The following SLC44A5 variants were observed in gnomAD, a reference collection of about 807,000 sequenced individuals.
SLC44A5 encodes the protein solute carrier family 44 member 5, also known as choline transporter-like protein 5.
In SLC44A5, 57 loss-of-function variants were observed where a neutral mutation model predicts 101.8. The ratio of observed to expected loss-of-function variants is 0.56; its 90% CI spans 0.45 to 0.70. The LOEUF (loss-of-function observed/expected upper bound fraction) is 0.70. SLC44A5 is among the 30% of genes least tolerant of loss of function. The pLI is 0.00. For missense variants in SLC44A5, 737 were observed against 853.1 expected (o/e 0.86, Z 1.70); for synonymous variants, 281 against 290.9 (o/e 0.97, Z 0.35).
intron 12 of SLC44A5, among the ~76,000 whole-genome samples, chr1:75,230,809 G>T (rs147508882): frequency 1.0e-3 from 159 of 152,218 alleles, no homozygotes; most frequent in African/African-American, 3.6e-3. Flanking sequence ...TAGAGACAGG[G>T]TTTCACCACG....
intron 4 of SLC44A5, among the ~76,000 whole-genome samples, chr1:75,333,367 C>T (rs1418584854): frequency 6.6e-6 from 1 of 152,010 alleles, no homozygotes; most frequent in Non-Finnish European, 1.5e-5. Context: ...ATTAGCGTGA[C>T]TCTTTTCCAC....
chr1:75,504,119 A>T (rs772224609), intron 2 of SLC44A5, among the ~76,000 whole-genome samples: 26 of 152,192 alleles, frequency 1.7e-4, no homozygotes, highest in Non-Finnish European at 2.1e-4. Flanking sequence ...TCGGCAAAGT[A>T]ACTCGATACA....
At chr1:75,629,188 T>C in the SLC44A5 span, among the ~76,000 whole-genome samples, 4 of 147,794 alleles carry the variant, frequency 2.7e-5, no homozygotes, top group African/African-American at 9.7e-5. Context: ...AACCTACATG[T>C]ACTTCCTATG....
chr1:75,630,820 G>A, the SLC44A5 span, among the ~76,000 whole-genome samples: 15 of 152,262 alleles, frequency 9.9e-5, no homozygotes, highest in Non-Finnish European at 2.1e-4. Context: ...AGAGGAATTG[G>A]CAACTGCCCA....
the SLC44A5 span, among the ~76,000 whole-genome samples, chr1:75,668,288 A>T: frequency 6.8e-6 from 1 of 146,274 alleles, no homozygotes; most frequent in South Asian, 2.1e-4. Flanking sequence ...AGGATTACTT[A>T]AAAAGAATGT....
At chr1:75,488,135 T>A (rs949358401) in intron 2 of SLC44A5, among the ~76,000 whole-genome samples, 14 of 152,194 alleles carry the variant, frequency 9.2e-5, no homozygotes, top group Non-Finnish European at 2.1e-4. Flanking sequence ...TCCCACTGAT[T>A]CTACATGATG....
intron 1 of SLC44A5, among the ~76,000 whole-genome samples, chr1:75,553,775 A>G (rs1187612189): frequency 6.6e-6 from 1 of 152,194 alleles, no homozygotes; most frequent in African/African-American, 2.4e-5. Context: ...TCCCCCAATT[A>G]TTCAACTCCC....
At chr1:75,589,074 C>A (rs1456910243) in intron 1 of SLC44A5, among the ~76,000 whole-genome samples, 1 of 152,186 alleles carries the variant, frequency 6.6e-6, no homozygotes, top group Admixed American at 6.5e-5. Context: ...TTTGGAGGAA[C>A]TGCATTCACG....
intron 2 of SLC44A5, among the ~76,000 whole-genome samples, chr1:75,499,820 G>A (rs1668859544): frequency 6.6e-6 from 1 of 152,150 alleles, no homozygotes; most frequent in South Asian, 2.1e-4. Context: ...GCAGAGAATA[G>A]CTGTCCGCCA....
chr1:75,568,558 T>C (rs1215925130), intron 1 of SLC44A5, among the ~76,000 whole-genome samples: 1 of 152,204 alleles, frequency 6.6e-6, no homozygotes, highest in African/African-American at 2.4e-5. Context: ...GAGAATGAAC[T>C]TGTCCTTTGA....
At chr1:75,401,373 C>A (rs750175646) in intron 2 of SLC44A5, among the ~76,000 whole-genome samples, 7 of 152,156 alleles carry the variant, frequency 4.6e-5, no homozygotes, top group Non-Finnish European at 1.5e-5. Context: ...AGATCTTAAG[C>A]AAATCAGCAT....
Position 75,330,966 on chromosome 1 carries a change from CTT to C in SLC44A5, c.101+8614_101+8615del, listed in dbSNP as rs71071941. Among the ~76,000 whole-genome samples, 877 of 135,992 alleles carry C rather than the reference CTT, an allele frequency of 6.4e-3. 2 individuals carry two copies. The highest frequency in any genetic ancestry group is 9.2e-3 in the Non-Finnish European group (582 of 63,372). 89.2% of individuals were successfully genotyped at this position (135,992 alleles called of 152,430 possible). ...AAACTCTTCTTGTAAAACTTTCTCT[CTT>C]TTTTTTTTTTTTTTTGGCTTCTACA... On this transcript the variant is annotated intron_variant, in intron 4 of 23. Coordinates refer to ENST00000370859, the MANE Select transcript of SLC44A5 (RefSeq NM_001130058.2).
intron 2 of SLC44A5, among the ~76,000 whole-genome samples, chr1:75,461,453 G>A (rs943531511): frequency 6.6e-6 from 1 of 152,094 alleles, no homozygotes; most frequent in Non-Finnish European, 1.5e-5. Flanking sequence ...ATATTATTAT[G>A]AGTGGTGTGT....
At chr1:75,215,405 A>G (rs1646940124) in intron 19 of SLC44A5, among the ~76,000 whole-genome samples, 1 of 152,070 alleles carries the variant, frequency 6.6e-6, no homozygotes, top group South Asian at 2.1e-4. Flanking sequence ...CCAGAATTAG[A>G]AAGTATTTTC....
intron 2 of SLC44A5, among the ~76,000 whole-genome samples, chr1:75,416,295 C>A (rs1030511876): frequency 6.7e-6 from 1 of 148,924 alleles, no homozygotes; most frequent in Non-Finnish European, 1.5e-5. Context: ...ACTGTGGCTT[C>A]AGAGGATGCA....
intron 4 of SLC44A5, among the ~76,000 whole-genome samples, chr1:75,316,044 A>C (rs1373276732): frequency 1.3e-5 from 2 of 152,156 alleles, no homozygotes; most frequent in Admixed American, 1.3e-4. Context: ...TTTGGCCCCT[A>C]ATCCACATTT....
the SLC44A5 span, among the ~76,000 whole-genome samples, chr1:75,652,889 G>C: frequency 2.4e-4 from 37 of 152,252 alleles, no homozygotes; most frequent in African/African-American, 8.7e-4. Flanking sequence ...AAAAATCTAA[G>C]CATGCAATAT....
At chr1:75,260,120 C>T (rs564915420) in intron 6 of SLC44A5, among the ~76,000 whole-genome samples, 1 of 152,152 alleles carries the variant, frequency 6.6e-6, no homozygotes, top group Admixed American at 6.5e-5. Context: ...ACTGCATCAA[C>T]TAACGAGCAA....
rs188469122 is a variant in SLC44A5, at chr1:75,433,848, G to A, written c.14-37227C>T. Among the ~76,000 whole-genome samples the A allele has an allele frequency of 4.4e-3, 665 of 152,202 alleles. 6 individuals are homozygous for A. Among genetic ancestry groups the A allele is most frequent in the African/African-American group, 0.015 (640 of 41,528 alleles). The stretch of plus-strand genomic sequence containing the variant: ...ATTCACAGTTCCACATGGCTGAGGA[G>A]GCTTCACAGTCATGGCAGAAGAGTA... On this transcript the variant is annotated intron_variant, in intron 2 of 23. Coordinates refer to ENST00000370859, the MANE Select transcript of SLC44A5 (RefSeq NM_001130058.2).
Sources: allele counts gnomAD v4.1 joint callset (sites outside exome capture counted in the v4.1 genomes callset), GRCh38; gene constraint gnomAD v4.1.1; transcripts MANE v1.5; gene names NCBI Gene and HGNC (gene_info 2026-07-23, HGNC 2026-07-21).